Variants in AGAP1 observed in about 807,000 individuals in gnomAD.
AGAP1 encodes ArfGAP with GTPase domain, ankyrin repeat and PH domain 1, also known as arf-GAP with GTPase, ANK repeat and PH domain-containing protein 1.
Under a neutral mutation model 105.3 loss-of-function variants are expected in AGAP1, and 29 were observed. That is an observed-to-expected ratio of 0.28 (90% confidence interval 0.21 to 0.38). The LOEUF (loss-of-function observed/expected upper bound fraction) is 0.38, where lower values mean the gene tolerates loss of function less well. AGAP1 is among the 10% of genes least tolerant of loss of function. The probability of loss-of-function intolerance (pLI) is 1.00; values close to 1 mark genes in which losing one functional copy is unlikely to be tolerated. For missense variants in AGAP1, 998 were observed against 1,165.1 expected, an observed-to-expected ratio of 0.86 and a Z score of 2.09; for synonymous variants, 509 against 485.9, an observed-to-expected ratio of 1.05 and a Z score of -0.63.
chr2:236,123,802 G>GTAGCTGGCCCCGC lies in AGAP1; in HGVS notation c.2371-115_2371-103dup. 1 of 1,284,310 alleles carries GTAGCTGGCCCCGC rather than the reference G, an allele frequency of 7.8e-7. No homozygotes were observed. The highest frequency in any genetic ancestry group is 1.4e-5 in the South Asian group (1 of 71,756). The allele number at this position is 1,284,310 out of a possible 1,614,324, so 79.6% of individuals were successfully genotyped here. A position where few individuals can be genotyped will look rare whatever the true frequency, so the allele number is the denominator to read the frequency against. ...TGGTCCTGGCACCCCAGCCAGTTGT[G>GTAGCTGGCCCCGC]TAGCTGGCCCCGCTGTCCAAGCACA... On this transcript the variant is annotated intron_variant, in intron 17 of 17. Coordinates refer to ENST00000304032, the MANE Select transcript of AGAP1 (RefSeq NM_001037131.3). This position sits in a 1 kb window ranked among gnomAD's most constrained non-coding sequence, Gnocchi z 4.6.
rs367898711 is a variant in AGAP1 at position 235,970,150 on chromosome 2, C to T, written c.1645+1527C>T. On this transcript the variant is annotated intron_variant, in intron 13 of 17. Transcript: ENST00000304032. This position sits in a 1 kb window ranked among gnomAD's most constrained non-coding sequence, Gnocchi z 5.4. ...CCAGGAGGTGGAGGTTGCAGTGAAC[C>T]GAGACCATGCCACTGCACTCCAGCC... 5.1e-4 allele frequency among the ~76,000 whole-genome samples: 77 copies of T among 150,192 alleles called. No individual in the cohort carries two copies. Among genetic ancestry groups the T allele is most frequent in the African/African-American group, 1.9e-3 (76 of 40,686 alleles).
At chr2:235,735,839 C>A (rs577418031) in intron 3 of AGAP1, among the ~76,000 whole-genome samples, 1 of 152,134 alleles carries the variant, frequency 6.6e-6, no homozygotes, top group South Asian at 2.1e-4. Flanking sequence ...AACCAGAAAC[C>A]TAATACATTG....
intron 9 of AGAP1, among the ~76,000 whole-genome samples, chr2:235,835,582 T>G (rs1288936092): frequency 6.6e-6 from 1 of 152,250 alleles, no homozygotes; most frequent in Non-Finnish European, 1.5e-5. Flanking sequence ...TTTGTTAAAG[T>G]AGCTGGCACG....
Position 235,741,908 on chromosome 2 carries a change from C to T in AGAP1, c.396+860C>T, listed in dbSNP as rs1016449146. ...AGCTGGGACTACGGGCGCCTGCTAC[C>T]ACGCCTGGCTAATTTTTTGTATTTT... is the stretch of plus-strand genomic sequence containing the variant. On this transcript the variant is annotated intron_variant, in intron 4 of 17. Coordinates refer to ENST00000304032, the MANE Select transcript of AGAP1 (RefSeq NM_001037131.3). This position sits in a 1 kb window ranked among gnomAD's most constrained non-coding sequence, Gnocchi z 4.9. 3.3e-5 allele frequency among the ~76,000 whole-genome samples: 5 copies of T among 151,902 alleles called. No individual in the cohort carries two copies. The highest frequency in any genetic ancestry group is 7.4e-5 in the Non-Finnish European group (5 of 67,998).
chr2:235,573,067 CTTT>C, intron 1 of AGAP1, among the ~76,000 whole-genome samples: 1 of 116,808 alleles, frequency 8.6e-6, no homozygotes, highest in East Asian at 3.3e-4. Flanking sequence ...CTTCTTTCTT[CTTT>C]CTTCTTTCTT....
chr2:235,561,926 T>G (rs1456973484), intron 1 of AGAP1, among the ~76,000 whole-genome samples: 1 of 152,186 alleles, frequency 6.6e-6, no homozygotes, highest in African/African-American at 2.4e-5. Context: ...GGCTTTTCAT[T>G]TAACTTAGAT....
chr2:235,887,258 T>C lies in AGAP1; in HGVS notation c.1155+3809T>C, dbSNP rs776398343. Among the ~76,000 whole-genome samples, 9 of 151,952 alleles carry C rather than the reference T, an allele frequency of 5.9e-5. No homozygotes were observed. Among genetic ancestry groups the C allele is most frequent in the Non-Finnish European group, 1.2e-4 (8 of 67,988 alleles). On this transcript the variant is annotated intron_variant, in intron 10 of 17. Transcript: ENST00000304032. The surrounding 1 kb of genome is among the most constrained non-coding windows in gnomAD (Gnocchi z 4.1). ...CAGTGGTGGCATAAGTGGTCAAGTG[T>C]TGGGAAAGCTGCCAGGATTGCTGGT...
chr2:235,734,711 C>T lies in AGAP1; in HGVS notation c.311-6252C>T, dbSNP rs906413877. Among the ~76,000 whole-genome samples the T allele has an allele frequency of 6.6e-6, 1 of 152,224 alleles. No individual in the cohort carries two copies. Among genetic ancestry groups the T allele is most frequent in the East Asian group, 1.9e-4 (1 of 5,198 alleles). On this transcript the variant is annotated intron_variant, in intron 3 of 17. Transcript: ENST00000304032. This position sits in a 1 kb window ranked among gnomAD's most constrained non-coding sequence, Gnocchi z 5.3. ...TGGAGTAAGGATAAGATAGTCCCGC[C>T]TCTCTGCCTGTTTGATGTTGGCCCT...
chr2:235,780,785 T>C (rs866929849), intron 6 of AGAP1, among the ~76,000 whole-genome samples: 23 of 152,230 alleles, frequency 1.5e-4, no homozygotes, highest in African/African-American at 5.3e-4. Context: ...GTTCTCCCGC[T>C]GACAGTCTGG....
chr2:236,112,397 C>T (rs2125940906), intron 16 of AGAP1, among the ~76,000 whole-genome samples: 1 of 150,796 alleles, frequency 6.6e-6, no homozygotes, highest in East Asian at 1.9e-4. Flanking sequence ...CCCTGGGTGG[C>T]ACAGCGACAT....
intron 10 of AGAP1, among the ~76,000 whole-genome samples, chr2:235,898,623 G>A (rs1046023834): frequency 3.9e-5 from 6 of 152,126 alleles, no homozygotes; most frequent in African/African-American, 9.7e-5. Context: ...AGGGAAAATA[G>A]TTCAGTATTT....
rs1559655538 is a variant in AGAP1, at chr2:235,927,026, G to A, written c.1325-3739G>A. Among the ~76,000 whole-genome samples, 1 of 152,210 alleles carries A rather than the reference G, an allele frequency of 6.6e-6. No individual in the cohort carries two copies. Among genetic ancestry groups the A allele is most frequent in the African/African-American group, 2.4e-5 (1 of 41,440 alleles). ...AAAAATGTCTCTATGAGCTCAGCCT[G>A]GACGTCAGGCGATAGTCTGTGGATC... On this transcript the variant is annotated intron_variant, in intron 11 of 17. Transcript: ENST00000304032. This position sits in a 1 kb window ranked among gnomAD's most constrained non-coding sequence, Gnocchi z 4.4.
At chr2:235,699,623 GC>G (rs1265379311) in intron 1 of AGAP1, among the ~76,000 whole-genome samples, 1 of 152,168 alleles carries the variant, frequency 6.6e-6, no homozygotes, top group Admixed American at 6.5e-5. Flanking sequence ...TGCATTCCAT[GC>G]CCAAAGTGGT....
intron 1 of AGAP1, among the ~76,000 whole-genome samples, chr2:235,523,675 G>T (rs912465682): frequency 1.3e-5 from 2 of 152,292 alleles, no homozygotes; most frequent in African/African-American, 4.8e-5. Context: ...GTGGGAATGG[G>T]TGTCTGCAGG....
Position 235,925,500 on chromosome 2 carries a change from G to A in AGAP1, c.1325-5265G>A, listed in dbSNP as rs575447018. On this transcript the variant is annotated intron_variant, in intron 11 of 17. Transcript: ENST00000304032. ...GGGCGTGGCTTCCTGCAGACCCCAC[G>A]CACCTTGCAATCCTCATGGCATTTC... is the stretch of plus-strand genomic sequence containing the variant. Among the ~76,000 whole-genome samples, 6 of 152,216 alleles carry A rather than the reference G, an allele frequency of 3.9e-5. 1 individual carries two copies. Among genetic ancestry groups the A allele is most frequent in the African/African-American group, 9.6e-5 (4 of 41,534 alleles).
At chr2:236,049,030 C>T (rs778470433) in intron 15 of AGAP1, 29 bp from the exon 16 acceptor site, 11 of 1,586,772 alleles carry the variant, frequency 6.9e-6, no homozygotes, top group East Asian at 2.2e-5. Context: ...GGTCTGATTG[C>T]GTTTAGCGTT....
intron 13 of AGAP1, among the ~76,000 whole-genome samples, chr2:236,022,960 G>T (rs533288422): frequency 1.2e-3 from 181 of 152,256 alleles, no homozygotes; most frequent in Non-Finnish European, 1.4e-3. Flanking sequence ...TGTCATAATT[G>T]GGTAAAATAT....
At chr2:235,532,210 A>G (rs1269221662) in intron 1 of AGAP1, among the ~76,000 whole-genome samples, 1 of 152,064 alleles carries the variant, frequency 6.6e-6, no homozygotes, top group African/African-American at 2.4e-5. Context: ...TTGTTTTTCT[A>G]CCTTTGTAGC....
intron 1 of AGAP1, among the ~76,000 whole-genome samples, chr2:235,647,347 T>C (rs1947426873): frequency 6.6e-6 from 1 of 152,182 alleles, no homozygotes; most frequent in Non-Finnish European, 1.5e-5. Context: ...ATTGAAGCCT[T>C]CGAACTTGCT....
Sources: allele counts gnomAD v4.1 joint callset (sites outside exome capture counted in the v4.1 genomes callset), GRCh38; gene constraint gnomAD v4.1.1; non-coding constraint Gnocchi (gnomAD v3.1); transcripts MANE v1.5; gene names NCBI Gene and HGNC (gene_info 2026-07-23, HGNC 2026-07-21).